Variants in DHX32 observed in about 807,000 individuals in gnomAD.
DHX32 encodes the protein DEAH-box helicase 32 (putative), also known as putative pre-mRNA-splicing factor ATP-dependent RNA helicase DHX32.
A neutral mutation model predicts 70.0 loss-of-function variants in DHX32; 51 were observed. The ratio of observed to expected loss-of-function variants is 0.73; its 90% CI spans 0.58 to 0.92. The LOEUF is 0.92. Among genes scored for constraint, DHX32 ranks in the 40% least tolerant of loss-of-function variants. DHX32 has a pLI of 0.00. For missense variants in DHX32, 762 were observed against 891.8 expected (o/e 0.85, Z 1.85); for synonymous variants, 310 against 315.3 (o/e 0.98, Z 0.18).
At chr10:125,857,172 A>G (rs114858751) in intron 3 of DHX32, among the ~76,000 whole-genome samples, 2,659 of 152,378 alleles carry the variant, frequency 0.017, 78 homozygotes, top group African/African-American at 0.06. Context: ...AATCCATAAG[A>G]GATGAGAATC....
In DHX32 at chr10:125,867,565, T is replaced by C. The variant is rs372558097; in HGVS notation, c.283-382A>G. Among the ~76,000 whole-genome samples the C allele has an allele frequency of 4.6e-5, 7 of 152,058 alleles. No homozygotes were observed. In the East Asian group the frequency reaches 1.4e-3, roughly 29 times the overall value. ...TCCTGGCTAACATGGTGAAACCCCG[T>C]CTCTACTTAAAATACAAAAAATTAG... On this transcript the variant is annotated intron_variant, in intron 1 of 10. Coordinates refer to ENST00000284690, the MANE Select transcript of DHX32 (RefSeq NM_018180.3).
intron 2 of DHX32, among the ~76,000 whole-genome samples, chr10:125,865,136 CAT>C (rs1944213033): frequency 6.6e-6 from 1 of 151,838 alleles, no homozygotes; most frequent in African/African-American, 2.4e-5. Context: ...TAATTAAAAA[CAT>C]AATTCAAAGG....
intron 6 of DHX32, among the ~76,000 whole-genome samples, chr10:125,844,015 T>C (rs1052078837): frequency 1.3e-5 from 2 of 152,212 alleles, no homozygotes; most frequent in African/African-American, 4.8e-5. Context: ...TCAGAGATAT[T>C]CCTGTCCTGC....
intron 2 of DHX32, among the ~76,000 whole-genome samples, chr10:125,860,794 C>G (rs377508718): frequency 8.2e-6 from 1 of 121,764 alleles, no homozygotes; most frequent in Non-Finnish European, 1.6e-5. Flanking sequence ...CTCGCTCTGT[C>G]GCCCAGGCTG....
At chr10:125,852,977 C>A (rs376019566) in intron 4 of DHX32, 3 of 648,516 alleles carry the variant, frequency 4.6e-6, no homozygotes, top group Non-Finnish European at 8.1e-6. Flanking sequence ...AGAAAGGGTT[C>A]TCACCTGATA....
chr10:125,866,957 C>CA lies in DHX32; in HGVS notation c.476+32dup. The CA allele has an allele frequency of 6.3e-7, 1 of 1,588,058 alleles. No homozygotes were observed. The highest frequency in any genetic ancestry group is 1.7e-4 in the Middle Eastern group (1 of 5,878). ...TTGTAGAACCTAAGCCAAGAATCAT[C>CA]AGCAGGGAGCGGACTGAACCCCACA... is the stretch of plus-strand genomic sequence containing the variant. On this transcript the variant is annotated intron_variant, in intron 2 of 10. Coordinates refer to ENST00000284690, the MANE Select transcript of DHX32 (RefSeq NM_018180.3). This position sits in a 1 kb window ranked among gnomAD's most constrained non-coding sequence, Gnocchi z 4.8.
intron 6 of DHX32, among the ~76,000 whole-genome samples, chr10:125,845,216 T>G (rs1943999449): frequency 6.6e-6 from 1 of 152,196 alleles, no homozygotes; most frequent in Non-Finnish European, 1.5e-5. Flanking sequence ...AGATGTCAGA[T>G]GGTAGGAAGC....
intron 1 of DHX32, among the ~76,000 whole-genome samples, chr10:125,873,105 G>A (rs1256680790): frequency 1.3e-5 from 2 of 152,140 alleles, no homozygotes; most frequent in Non-Finnish European, 2.9e-5. Flanking sequence ...TCTGCAACCA[G>A]ATCCAGATCA....
chr10:125,867,254 G>A, intron 1 of DHX32, 71 bp from the exon 2 acceptor site: 1 of 1,317,764 alleles, frequency 7.6e-7, no homozygotes, highest in East Asian at 2.5e-5. Flanking sequence ...CTGTCTTACA[G>A]CAGGGTTCAT....
chr10:125,866,999 G>T lies in DHX32; in HGVS notation c.467C>A (p.Thr156Lys), dbSNP rs1944224213. Residue 156 changes from threonine to lysine, a missense_variant, in exon 2 of 11, where the codon ACA (threonine) becomes AAA (lysine). By Grantham distance (78) the Thr-to-Lys change is moderately conservative. Coordinates refer to ENST00000284690, the MANE Select transcript of DHX32 (RefSeq NM_018180.3). The surrounding 1 kb of genome is among the most constrained non-coding windows in gnomAD (Gnocchi z 4.8). ...AACCCCACAAACCAACCTCAGGATTGTTTCGTTGGTACAGCAGTTCTCGAA... is the reference window on the plus strand; with the variant it reads ...AACCCCACAAACCAACCTCAGGATTTTTTCGTTGGTACAGCAGTTCTCGAA... ...IPFENCCTNE[T>K]ILRYCTDDML... The T allele has an allele frequency of 6.2e-7, 1 of 1,613,130 alleles. No homozygotes were observed. Among genetic ancestry groups the T allele is most frequent in the Non-Finnish European group, 8.5e-7 (1 of 1,179,446 alleles).
chr10:125,884,133 T>C (rs1015788843), upstream of DHX32, among the ~76,000 whole-genome samples: 5 of 152,210 alleles, frequency 3.3e-5, no homozygotes, highest in Non-Finnish European at 7.3e-5. Context: ...TGCTGCTATA[T>C]GGTTTGGATT....
intron 6 of DHX32, among the ~76,000 whole-genome samples, chr10:125,844,000 G>T (rs533673551): frequency 7.5e-4 from 114 of 152,268 alleles, no homozygotes; most frequent in Non-Finnish European, 9.8e-4. Context: ...GAAGCTTATG[G>T]CTTCTCAGAG....
intron 6 of DHX32, among the ~76,000 whole-genome samples, chr10:125,846,047 C>T (rs185316649): frequency 8.0e-4 from 122 of 152,340 alleles, no homozygotes; most frequent in Admixed American, 4.1e-3. Flanking sequence ...GTCTCCCACA[C>T]GTGACTGCCT....
upstream of DHX32, among the ~76,000 whole-genome samples, chr10:125,885,455 C>T (rs908013331): frequency 6.6e-6 from 1 of 152,048 alleles, no homozygotes; most frequent in Non-Finnish European, 1.5e-5. Flanking sequence ...TAGCCACAGT[C>T]AGAGGAAAAT....
intron 1 of DHX32, among the ~76,000 whole-genome samples, chr10:125,872,614 C>A (rs1295106375): frequency 2.6e-5 from 4 of 152,250 alleles, no homozygotes; most frequent in Non-Finnish European, 4.4e-5. Flanking sequence ...CTTCACATCT[C>A]TTTATTCTGA....
At chr10:125,855,815 A>T (rs1272923107) in intron 3 of DHX32, among the ~76,000 whole-genome samples, 1 of 152,190 alleles carries the variant, frequency 6.6e-6, no homozygotes, top group East Asian at 1.9e-4. Context: ...GGGAAAAATA[A>T]TTATGGCCAC....
intron 6 of DHX32, among the ~76,000 whole-genome samples, chr10:125,847,566 C>T (rs1256903809): frequency 6.6e-6 from 1 of 152,128 alleles, no homozygotes; most frequent in Non-Finnish European, 1.5e-5. Context: ...GCACCAGGGA[C>T]CGACTTCATG....
At chr10:125,893,620 C>A (rs559505657) in intron 1 of DHX32, among the ~76,000 whole-genome samples, 1 of 152,158 alleles carries the variant, frequency 6.6e-6, no homozygotes. Flanking sequence ...GAATGTAGAC[C>A]ATGACAAGTT....
intron 9 of DHX32, 152 bp downstream of exon 9, chr10:125,838,849 G>T: frequency 1.1e-6 from 1 of 903,428 alleles, no homozygotes; most frequent in Non-Finnish European, 1.7e-6. Context: ...CCCTTGAGGG[G>T]AAGGATACTT....
Sources: allele counts gnomAD v4.1 joint callset (sites outside exome capture counted in the v4.1 genomes callset), GRCh38; gene constraint gnomAD v4.1.1; non-coding constraint Gnocchi (gnomAD v3.1); transcripts MANE v1.5; gene names NCBI Gene and HGNC (gene_info 2026-07-23, HGNC 2026-07-21).